LINGO2: variants seen among roughly 807,000 people sequenced by gnomAD.
LINGO2 encodes leucine rich repeat and Ig domain containing 2.
A neutral mutation model predicts 30.6 loss-of-function variants in LINGO2; 14 were observed. That is an observed-to-expected ratio of 0.46 (90% CI 0.30 to 0.72). The LOEUF is 0.72. Ranked by LOEUF, LINGO2 falls within the 30% of genes least tolerant of loss-of-function variation. LINGO2 has a pLI of 0.07. For synonymous variants in LINGO2, 317 were observed against 288.5 expected (o/e 1.10, Z -1.00); for missense variants, 729 against 751.7 (o/e 0.97, Z 0.35).
chr9:28,245,451 A>G (rs1821962460), intron 4 of LINGO2, among the ~76,000 whole-genome samples: 1 of 152,220 alleles, frequency 6.6e-6, no homozygotes, highest in Admixed American at 6.5e-5. Context: ...AGTTCCAGCC[A>G]GGGCAATCAG....
intron 4 of LINGO2, among the ~76,000 whole-genome samples, chr9:28,044,706 A>AG (rs1252100377): frequency 6.6e-6 from 1 of 152,170 alleles, no homozygotes; most frequent in Non-Finnish European, 1.5e-5. Flanking sequence ...AAACGAGCAG[A>AG]GAGATGTGAA....
chr9:27,983,709 G>T (rs1425295903), intron 5 of LINGO2, among the ~76,000 whole-genome samples: 1 of 151,866 alleles, frequency 6.6e-6, no homozygotes, highest in East Asian at 1.9e-4. Flanking sequence ...AGAAAAAGGT[G>T]AGAATAAAAC....
intron 4 of LINGO2, among the ~76,000 whole-genome samples, chr9:28,128,703 T>C (rs1431042203): frequency 6.6e-6 from 1 of 152,190 alleles, no homozygotes; most frequent in Non-Finnish European, 1.5e-5. Flanking sequence ...GAACCAGTGC[T>C]GATAATGCTC....
the LINGO2 span, among the ~76,000 whole-genome samples, chr9:28,990,005 C>G: frequency 2.0e-5 from 3 of 152,124 alleles, no homozygotes; most frequent in East Asian, 5.8e-4. Flanking sequence ...TCTGAGGAAA[C>G]GGGTTCATCT....
chr9:28,866,124 G>A, the LINGO2 span, among the ~76,000 whole-genome samples: 5 of 152,036 alleles, frequency 3.3e-5, no homozygotes, highest in Non-Finnish European at 7.4e-5. Context: ...TGTCAAATAT[G>A]CTCTCTATTT....
chr9:28,069,916 G>A (rs1825423008), intron 4 of LINGO2, among the ~76,000 whole-genome samples: 1 of 152,182 alleles, frequency 6.6e-6, no homozygotes, highest in African/African-American at 2.4e-5. Flanking sequence ...AGCAATTGCT[G>A]GTGAGTGTCG....
At chr9:27,971,913 CA>C (rs1490237135) in intron 5 of LINGO2, among the ~76,000 whole-genome samples, 1 of 152,042 alleles carries the variant, frequency 6.6e-6, no homozygotes, top group Non-Finnish European at 1.5e-5. Flanking sequence ...GAGTGCTCTT[CA>C]ATATTAGTTT....
Position 28,006,547 on chromosome 9 carries a change from ATTT to A in LINGO2, c.-36+5805_-36+5807del, listed in dbSNP as rs376148091. On this transcript the variant is annotated intron_variant, in intron 5 of 5. Transcript: ENST00000379992. The stretch of plus-strand genomic sequence containing the variant: ...AGAAGCTCAACTCCAGGGACACAGA[ATTT>A]TTTTATTAGGAAATCTAGGTTGGCC... Among the ~76,000 whole-genome samples, 60 of 152,252 alleles carry A rather than the reference ATTT, an allele frequency of 3.9e-4. No individual in the cohort carries two copies. In the South Asian group the frequency reaches 0.012, roughly 31 times the overall value.
intron 4 of LINGO2, among the ~76,000 whole-genome samples, chr9:28,054,530 CTGCA>C (rs1465075464): frequency 2.0e-5 from 3 of 152,054 alleles, no homozygotes; most frequent in Non-Finnish European, 2.9e-5. Flanking sequence ...GTTATGTTTA[CTGCA>C]TGAAGTTTGA....
chr9:28,189,693 A>T (rs57124612), intron 4 of LINGO2, among the ~76,000 whole-genome samples: 3 of 31,124 alleles, frequency 9.6e-5, no homozygotes, highest in African/African-American at 2.6e-4. Flanking sequence ...GGGAGGAAGG[A>T]AGGGAGGGAG....
At chr9:28,795,502 G>T in the LINGO2 span, among the ~76,000 whole-genome samples, 4 of 151,640 alleles carry the variant, frequency 2.6e-5, no homozygotes, top group African/African-American at 4.8e-5. Context: ...AAAATGTCAT[G>T]GTATCTGTGC....
chr9:28,058,496 TA>T (rs1364276318), intron 4 of LINGO2, among the ~76,000 whole-genome samples: 1 of 152,146 alleles, frequency 6.6e-6, no homozygotes, highest in African/African-American at 2.4e-5. Flanking sequence ...TAAATAAACT[TA>T]TAGTTTCTCT....
chr9:28,606,022 C>T (rs1825679894), intron 1 of LINGO2, among the ~76,000 whole-genome samples: 1 of 149,216 alleles, frequency 6.7e-6, no homozygotes, highest in South Asian at 2.3e-4. Context: ...ACATTAGAAT[C>T]TCATGAAATA....
the LINGO2 span, among the ~76,000 whole-genome samples, chr9:29,050,791 T>C: frequency 1.3e-5 from 2 of 152,314 alleles, no homozygotes; most frequent in Middle Eastern, 3.4e-3. Context: ...AGCAACTATA[T>C]AAATAGTTGC....
At chr9:28,305,956 CAT>C (rs1403222730) in intron 3 of LINGO2, among the ~76,000 whole-genome samples, 1 of 152,032 alleles carries the variant, frequency 6.6e-6, no homozygotes, top group Non-Finnish European at 1.5e-5. Flanking sequence ...CTCTCTAAAT[CAT>C]AGAAAACTCA....
chr9:28,721,762 G>GT, the LINGO2 span, among the ~76,000 whole-genome samples: 25 of 151,978 alleles, frequency 1.6e-4, no homozygotes, highest in African/African-American at 6.0e-4. Context: ...CATGGGACAT[G>GT]TATACCTATG....
the LINGO2 span, chr9:27,937,644 G>A: frequency 2.0e-5 from 3 of 152,076 alleles, no homozygotes; most frequent in Non-Finnish European, 4.4e-5. Flanking sequence ...TTATTTTTGT[G>A]TCTCAACAGA....
chr9:29,187,333 A>C, the LINGO2 span, among the ~76,000 whole-genome samples: 2 of 152,222 alleles, frequency 1.3e-5, no homozygotes, highest in African/African-American at 4.8e-5. Flanking sequence ...TTTCCATTGC[A>C]TCTTATAAGA....
At chr9:29,170,652 T>G in the LINGO2 span, among the ~76,000 whole-genome samples, 1 of 152,136 alleles carries the variant, frequency 6.6e-6, no homozygotes, top group East Asian at 1.9e-4. Context: ...AGACATCATG[T>G]AGACTAGAAA....
Sources: allele counts gnomAD v4.1 joint callset (sites outside exome capture counted in the v4.1 genomes callset), GRCh38; gene constraint gnomAD v4.1.1; transcripts MANE v1.5; gene names NCBI Gene and HGNC (gene_info 2026-07-23, HGNC 2026-07-21).